The following FMN2 variants were observed in gnomAD, a reference collection of about 807,000 sequenced individuals.
FMN2 encodes the protein formin 2, also known as formin-2.
In FMN2, 51 loss-of-function variants were observed where a neutral mutation model predicts 142.3. The observed-to-expected ratio is 0.36, with a 90% CI of 0.29 to 0.45. The LOEUF is 0.45. FMN2 is among the 20% of genes least tolerant of loss of function. FMN2 has a pLI of 1.00. For synonymous variants in FMN2, 882 were observed against 869.8 expected, an observed-to-expected ratio of 1.01 and a Z score of -0.25; for missense variants, 1,936 against 2,122.8, an observed-to-expected ratio of 0.91 and a Z score of 1.73.
At chr1:240,418,665 G>C (rs1674663284) in intron 15 of FMN2, among the ~76,000 whole-genome samples, 1 of 152,160 alleles carries the variant, frequency 6.6e-6, no homozygotes, top group African/African-American at 2.4e-5. Flanking sequence ...TTGCTGTATG[G>C]TCCAAAAGAT....
intron 2 of FMN2, among the ~76,000 whole-genome samples, chr1:240,124,793 G>T (rs1044625060): frequency 5.3e-5 from 8 of 151,888 alleles, no homozygotes; most frequent in African/African-American, 1.9e-4. Flanking sequence ...TCAGCCTCTT[G>T]AGTAACTGGG....
chr1:240,167,301 T>TG (rs879363171), intron 2 of FMN2, among the ~76,000 whole-genome samples: 3 of 151,544 alleles, frequency 2.0e-5, no homozygotes, highest in Non-Finnish European at 2.9e-5. Flanking sequence ...TTATTTTGGG[T>TG]GGGGGGGACA....
At chr1:240,227,856 C>G (rs1227917503) in intron 6 of FMN2, among the ~76,000 whole-genome samples, 5 of 152,058 alleles carry the variant, frequency 3.3e-5, no homozygotes, top group African/African-American at 4.8e-5. Flanking sequence ...TTTGAATCTA[C>G]AAACAATACC....
chr1:240,234,513 T>C (rs1010414172), intron 6 of FMN2, among the ~76,000 whole-genome samples: 1 of 152,210 alleles, frequency 6.6e-6, no homozygotes, highest in Non-Finnish European at 1.5e-5. Flanking sequence ...AAATCCAGTC[T>C]GAGTTTGCAT....
rs199725846 is a variant in FMN2 at position 240,352,080 on chromosome 1, A to AT, written c.4766-3727dup. On this transcript the variant is annotated intron_variant, in intron 13 of 17. Coordinates refer to ENST00000319653, the MANE Select transcript of FMN2 (RefSeq NM_020066.5). ...CAAATCAGTCAAGGTGAGAGATTAG[A>AT]TTTTTTTTTCCCTGCTAGCCTACGT... Among the ~76,000 whole-genome samples, 813 of 151,880 alleles carry AT rather than the reference A, an allele frequency of 5.4e-3. 3 individuals are homozygous for AT. Among genetic ancestry groups the AT allele is most frequent in the Non-Finnish European group, 8.6e-3 (586 of 67,922 alleles).
chr1:240,351,528 T>C (rs1672096898), intron 13 of FMN2, among the ~76,000 whole-genome samples: 1 of 152,142 alleles, frequency 6.6e-6, no homozygotes. Flanking sequence ...ATAGAAAAAA[T>C]AGTTTTTGCA....
chr1:240,291,710 C>G (rs1669799594), intron 7 of FMN2, among the ~76,000 whole-genome samples: 1 of 152,022 alleles, frequency 6.6e-6, no homozygotes, highest in Admixed American at 6.6e-5. Flanking sequence ...AGGTTCCATC[C>G]CTCAGTAGAT....
At chr1:240,243,049 C>T (rs559657056) in intron 6 of FMN2, among the ~76,000 whole-genome samples, 2 of 152,130 alleles carry the variant, frequency 1.3e-5, no homozygotes, top group South Asian at 4.1e-4. Flanking sequence ...CCACCCTCCC[C>T]TGAGGCTTAC....
chr1:240,449,439 G>T (rs1360083946), intron 16 of FMN2, among the ~76,000 whole-genome samples: 1 of 152,124 alleles, frequency 6.6e-6, no homozygotes. Context: ...GAAGAATTTT[G>T]AGCCCGTGGA....
At chr1:240,160,655 C>CATTAGATGGTGAAATATTGA (rs1351913136) in intron 2 of FMN2, among the ~76,000 whole-genome samples, 1 of 151,836 alleles carries the variant, frequency 6.6e-6, no homozygotes, top group African/African-American at 2.4e-5. Context: ...CAGCAAATAT[C>CATTAGATGGTGAAATATTGA]ATTAGATGGT....
At chr1:240,183,885 G>C (rs953330506) in intron 3 of FMN2, among the ~76,000 whole-genome samples, 3 of 151,990 alleles carry the variant, frequency 2.0e-5, no homozygotes, top group African/African-American at 4.8e-5. Flanking sequence ...GAATCAAACT[G>C]GTATATACCA....
At chr1:240,197,765 A>G (rs1213396960) in intron 4 of FMN2, among the ~76,000 whole-genome samples, 3 of 143,838 alleles carry the variant, frequency 2.1e-5, no homozygotes, top group African/African-American at 5.9e-5. Flanking sequence ...GGTACCTCCC[A>G]GGTTCAAGCA....
intron 16 of FMN2, among the ~76,000 whole-genome samples, chr1:240,461,337 C>T (rs1676444975): frequency 6.6e-6 from 1 of 152,104 alleles, no homozygotes; most frequent in African/African-American, 2.4e-5. Context: ...TAGGGGGTTA[C>T]TGCGAAATTT....
rs756517382 is a variant in FMN2, at chr1:240,196,933, GA to G, written c.1986+8674del. On this transcript the variant is annotated intron_variant, in intron 4 of 17. Coordinates refer to ENST00000319653, the MANE Select transcript of FMN2 (RefSeq NM_020066.5). ...TGGAGGATAAGATGCTTGATATTAT[GA>G]AACATACATTTGGTCTTAATTGCCA... Among the ~76,000 whole-genome samples, 19 of 152,288 alleles carry G rather than the reference GA, an allele frequency of 1.2e-4. No homozygotes were observed. The Middle Eastern group carries it at 0.01, about 82-fold the overall frequency.
intron 2 of FMN2, among the ~76,000 whole-genome samples, chr1:240,137,486 G>C (rs1207505738): frequency 2.0e-5 from 3 of 152,188 alleles, no homozygotes; most frequent in Non-Finnish European, 2.9e-5. Flanking sequence ...GCAGGCTGTG[G>C]TTGGCTAGCC....
chr1:240,132,774 A>G (rs762650158), intron 2 of FMN2, among the ~76,000 whole-genome samples: 1 of 152,102 alleles, frequency 6.6e-6, no homozygotes, highest in Non-Finnish European at 1.5e-5. Flanking sequence ...ATGGAGGGCT[A>G]GATTAGAGGG....
chr1:240,385,320 C>T (rs1441273135), intron 14 of FMN2, among the ~76,000 whole-genome samples: 7 of 152,016 alleles, frequency 4.6e-5, no homozygotes, highest in East Asian at 1.9e-4. Context: ...TCGTTTTATC[C>T]GAAGGATTTT....
At chr1:240,437,597 G>T (rs754257398) in intron 15 of FMN2, among the ~76,000 whole-genome samples, 1 of 152,060 alleles carries the variant, frequency 6.6e-6, no homozygotes, top group African/African-American at 2.4e-5. Flanking sequence ...CCACCGCGCC[G>T]GGCTGGGACT....
chr1:240,222,031 G>A lies in FMN2; in HGVS notation c.4065+10796G>A, dbSNP rs375776869. Reference sequence around the variant, plus strand: ...CCCAGCTAATTTTTTTTTTTTTTTTGTATTTTTAGTAGAGATGGGGTTTCA... The same window carrying A: ...CCCAGCTAATTTTTTTTTTTTTTTTATATTTTTAGTAGAGATGGGGTTTCA... On this transcript the variant is annotated intron_variant, in intron 6 of 17. Coordinates refer to ENST00000319653, the MANE Select transcript of FMN2 (RefSeq NM_020066.5). Among the ~76,000 whole-genome samples the A allele has an allele frequency of 3.9e-3, 240 of 60,984 alleles. 2 individuals are homozygous for A. The highest frequency in any genetic ancestry group is 0.016 in the African/African-American group (230 of 14,530). 40.0% of individuals were successfully genotyped at this position (60,984 alleles called of 152,430 possible). A position where few individuals can be genotyped will look rare whatever the true frequency, so the allele number is the denominator to read the frequency against.
Sources: gnomAD v4.1 joint callset for allele counts (sites outside exome capture counted in the v4.1 genomes callset) on GRCh38, gnomAD v4.1.1 for gene constraint, MANE v1.5 for transcripts, NCBI Gene and HGNC (gene_info 2026-07-23, HGNC 2026-07-21) for gene names.